Variants in LRRC37A3 observed in about 807,000 individuals in gnomAD.
The protein encoded by LRRC37A3 is leucine rich repeat containing 37 member A3, also known as leucine-rich repeat-containing protein 37A3.
LRRC37A3 carries 25 observed loss-of-function variants against 106.2 expected under a neutral mutation model. The ratio of observed to expected loss-of-function variants is 0.24; its 90% confidence interval spans 0.17 to 0.33. The LOEUF (loss-of-function observed/expected upper bound fraction) is 0.33. LRRC37A3 is among the 10% of genes least tolerant of loss of function. LRRC37A3 has a pLI of 1.00. For synonymous variants in LRRC37A3, 305 were observed against 635.8 expected, an observed-to-expected ratio of 0.48 and a Z score of 7.83; for missense variants, 712 against 1,644.9, an observed-to-expected ratio of 0.43 and a Z score of 9.81.
Position 64,860,124 on chromosome 17 carries a change from C to T in LRRC37A3, c.4022G>A (p.Arg1341Lys). 5 of 1,613,964 alleles carry T rather than the reference C, an allele frequency of 3.1e-6. No homozygotes were observed. Among genetic ancestry groups the T allele is most frequent in the Non-Finnish European group, 4.2e-6 (5 of 1,179,860 alleles). The change falls in exon 12 of 15, where the codon AGG becomes AAG. Residue 1341 changes from arginine (R) to lysine (K), a missense_variant. Arg to Lys is a conservative substitution (Grantham distance 26). Coordinates refer to ENST00000584306, the MANE Select transcript of LRRC37A3 (RefSeq NM_199340.5). ...SYLSRLMLSN[R>K]LPFSAAKSLI... ...GCTCTTCGCTGCAGAGAACGGAAGCCTGTTTGAGAGCATCAGTCTACTCAG... is the reference window on the plus strand; with the variant it reads ...GCTCTTCGCTGCAGAGAACGGAAGCTTGTTTGAGAGCATCAGTCTACTCAG...
At chr17:64,884,360 A>G (rs113551673) in intron 8 of LRRC37A3, among the ~76,000 whole-genome samples, 89 of 151,460 alleles carry the variant, frequency 5.9e-4, no homozygotes, top group Admixed American at 1.1e-3. Flanking sequence ...TATTATTATT[A>G]TTATTATATT....
At chr17:64,872,779 G>A (rs577967115) in intron 8 of LRRC37A3, among the ~76,000 whole-genome samples, 250 of 152,180 alleles carry the variant, frequency 1.6e-3, no homozygotes, top group African/African-American at 5.6e-3. Flanking sequence ...GGAATCTCAC[G>A]CGCATGCATA....
chr17:64,855,217 T>G (rs1268792930), intron 14 of LRRC37A3, among the ~76,000 whole-genome samples: 3 of 151,062 alleles, frequency 2.0e-5, no homozygotes, highest in Non-Finnish European at 4.4e-5. Flanking sequence ...AGTTCTAGGA[T>G]CCAGGGGAAA....
intron 8 of LRRC37A3, among the ~76,000 whole-genome samples, chr17:64,874,234 C>A (rs1440083603): frequency 1.3e-5 from 2 of 152,242 alleles, no homozygotes; most frequent in Non-Finnish European, 2.9e-5. Context: ...CCTGTCTCTA[C>A]AAAAAATTTA....
intron 2 of LRRC37A3, among the ~76,000 whole-genome samples, chr17:64,917,245 CAAAAAAA>C (rs1283286984): frequency 5.8e-3 from 165 of 28,396 alleles, no homozygotes; most frequent in Middle Eastern, 0.019. Flanking sequence ...GACTCCATCT[CAAAAAAA>C]AAAAAAAAAA....
chr17:64,875,803 A>G (rs1035747569), intron 8 of LRRC37A3, among the ~76,000 whole-genome samples: 1 of 152,202 alleles, frequency 6.6e-6, no homozygotes, highest in Non-Finnish European at 1.5e-5. Flanking sequence ...TGAAGAAAAA[A>G]AAAAACAAAA....
chr17:64,855,777 G>T, intron 14 of LRRC37A3, 63 bp downstream of exon 14: 1 of 1,606,652 alleles, frequency 6.2e-7, no homozygotes, highest in South Asian at 1.1e-5. Context: ...ACTCCAGCCT[G>T]GCAACAAGAG....
At chr17:64,880,281 G>C (rs1160022963) in intron 8 of LRRC37A3, among the ~76,000 whole-genome samples, 1 of 151,978 alleles carries the variant, frequency 6.6e-6, no homozygotes. Context: ...TGATATGAAT[G>C]CTTTTATTTA....
chr17:64,884,457 C>T (rs1469341556), intron 8 of LRRC37A3, among the ~76,000 whole-genome samples: 2 of 151,392 alleles, frequency 1.3e-5, no homozygotes, highest in Non-Finnish European at 2.9e-5. Context: ...CCTCCGTCTC[C>T]TGGTTTCAAG....
intron 2 of LRRC37A3, 198 bp from the exon 3 acceptor site, chr17:64,898,657 G>T (rs1376855482): frequency 1.3e-6 from 1 of 756,274 alleles, no homozygotes; most frequent in Non-Finnish European, 1.6e-6. Context: ...TATTTAAATT[G>T]AATTAAAATA....
Position 64,896,598 on chromosome 17 carries a change from T to C in LRRC37A3, c.660A>G (p.Leu220=). 1 of 1,470,828 alleles carries C rather than the reference T, an allele frequency of 6.8e-7. No individual in the cohort carries two copies. The highest frequency in any genetic ancestry group is 9.2e-7 in the Non-Finnish European group (1 of 1,082,934). The allele number at this position is 1,470,828 out of a possible 1,614,324, so 91.1% of individuals were successfully genotyped here. The change falls in exon 4 of 15, where the codon CTA becomes CTG. Residue 220 remains leucine (L), a synonymous_variant. Coordinates refer to ENST00000584306, the MANE Select transcript of LRRC37A3 (RefSeq NM_199340.5). Reference sequence around the variant, plus strand: ...TCTCTGGATTTTGAGTTTCGGGCTCTAGATGGAATTGAGAAGGTCCAACTT... The same window carrying C: ...TCTCTGGATTTTGAGTTTCGGGCTCCAGATGGAATTGAGAAGGTCCAACTT... ...SEQVGPSQFH[L]EPETQNPETL... is the part of the protein sequence containing the mutation.
chr17:64,859,108 A>G (rs1174677933), intron 12 of LRRC37A3, among the ~76,000 whole-genome samples: 2 of 151,976 alleles, frequency 1.3e-5, no homozygotes, highest in Non-Finnish European at 2.9e-5. Context: ...ACGTGTCATC[A>G]ACCCAGCTAA....
intron 8 of LRRC37A3, among the ~76,000 whole-genome samples, chr17:64,874,064 A>G (rs1430053273): frequency 6.6e-6 from 1 of 152,196 alleles, no homozygotes. Context: ...ATCACATACA[A>G]GGGATCCTCA....
Position 64,868,290 on chromosome 17 carries a change from G to C in LRRC37A3, c.3053+172C>G, listed in dbSNP as rs1476766204. On this transcript the variant is annotated intron_variant, in intron 10 of 14. Coordinates refer to ENST00000584306, the MANE Select transcript of LRRC37A3 (RefSeq NM_199340.5). ...ATCAGAAATGCTTTATATTGGGAAT[G>C]TGGTGGTGGTTATGTAACTATACAT... 2.0e-5 allele frequency among the ~76,000 whole-genome samples: 3 copies of C among 152,076 alleles called. No individual in the cohort carries two copies. In the East Asian group the frequency reaches 5.8e-4, roughly 29 times the overall value.
At chr17:64,869,478 G>A (rs991290537) in intron 8 of LRRC37A3, among the ~76,000 whole-genome samples, 1 of 151,452 alleles carries the variant, frequency 6.6e-6, no homozygotes, top group African/African-American at 2.4e-5. Flanking sequence ...AGGAAGCCCT[G>A]ACTGCGGAGG....
chr17:64,916,133 T>C (rs1974695815), intron 2 of LRRC37A3, among the ~76,000 whole-genome samples: 2 of 150,970 alleles, frequency 1.3e-5, no homozygotes, highest in African/African-American at 4.9e-5. Context: ...AAGCCTGGCG[T>C]GGTGGCTCAC....
intron 13 of LRRC37A3, among the ~76,000 whole-genome samples, chr17:64,857,953 C>G (rs979416147): frequency 3.3e-5 from 5 of 152,200 alleles, no homozygotes; most frequent in Admixed American, 2.0e-4. Context: ...TATTAAATCA[C>G]TCTTCCAATA....
chr17:64,879,532 T>C (rs929158748), intron 8 of LRRC37A3, among the ~76,000 whole-genome samples: 1 of 152,238 alleles, frequency 6.6e-6, no homozygotes, highest in African/African-American at 2.4e-5. Context: ...CTATTCCATA[T>C]GGTTTTTCAG....
At chr17:64,866,589 C>T (rs1448158080) in intron 10 of LRRC37A3, among the ~76,000 whole-genome samples, 17 of 24,132 alleles carry the variant, frequency 7.0e-4, no homozygotes, top group South Asian at 3.0e-3. Flanking sequence ...TATACACGTA[C>T]ATATATATAT....
Sources: allele counts gnomAD v4.1 joint callset (sites outside exome capture counted in the v4.1 genomes callset), GRCh38; gene constraint gnomAD v4.1.1; transcripts MANE v1.5; gene names NCBI Gene and HGNC (gene_info 2026-07-23, HGNC 2026-07-21).